The following NUDT19 variants were observed in gnomAD, a reference collection of about 807,000 sequenced individuals.
The protein encoded by NUDT19 is nudix hydrolase 19.
Under a neutral mutation model 22.2 loss-of-function variants are expected in NUDT19, and 31 were observed. That is an observed-to-expected ratio of 1.40 (90% confidence interval 1.05 to 1.89). NUDT19 has a LOEUF of 1.89. Ranked by LOEUF, NUDT19 falls within the 40% of genes most tolerant of loss-of-function variation. The probability of loss-of-function intolerance (pLI) is 0.00; values close to 1 mark genes in which losing one functional copy is unlikely to be tolerated. For synonymous variants in NUDT19, 325 were observed against 230.8 expected, an observed-to-expected ratio of 1.41 and a Z score of -3.70; for missense variants, 752 against 514.2, an observed-to-expected ratio of 1.46 and a Z score of -4.47.
Position 32,692,509 on chromosome 19 carries a change from C to A in NUDT19, c.549C>A (p.Ala183=). The part of the protein sequence containing the change: ...QDPRHFLRLC[A]HLDCTPDIWA... ...CGCGCCACTTCCTGCGGCTGTGCGC[C>A]CACCTCGACTGCACACCCGACATCT... The change falls in exon 1 of 3, where the codon GCC becomes GCA. Residue 183 remains alanine (A), a synonymous_variant. Coordinates refer to ENST00000397061, the MANE Select transcript of NUDT19 (RefSeq NM_001105570.2). 2 of 1,562,612 alleles carry A rather than the reference C, an allele frequency of 1.3e-6. No individual in the cohort carries two copies. The highest frequency in any genetic ancestry group is 1.7e-6 in the Non-Finnish European group (2 of 1,158,222).
In NUDT19 at chr19:32,692,119, A is replaced by G. The variant is rs746307225; in HGVS notation, c.159A>G (p.Gln53=). 7.6e-6 allele frequency: 11 copies of G among 1,451,332 alleles called. No individual in the cohort carries two copies. Among genetic ancestry groups the G allele is most frequent in the Non-Finnish European group, 9.0e-6 (10 of 1,111,072 alleles). The allele number at this position is 1,451,332 out of a possible 1,614,324, so 89.9% of individuals were successfully genotyped here. A position where few individuals can be genotyped will look rare whatever the true frequency, so the allele number is the denominator to read the frequency against. Residue 53 remains glutamine (Q), a synonymous_variant, in exon 1 of 3, where the codon CAA becomes CAG. Transcript: ENST00000397061. ...RLLLLQRSPH[Q]GFMPGAHVFS... ...TGCTGCTGCAGCGCTCCCCGCACCA[A>G]GGCTTCATGCCGGGCGCGCACGTCT...
chr19:32,705,366 G>C (rs1235171331), intron 1 of NUDT19, among the ~76,000 whole-genome samples: 1 of 151,428 alleles, frequency 6.6e-6, no homozygotes, highest in Non-Finnish European at 1.5e-5. Flanking sequence ...AGAGGTTGCA[G>C]TGAGATGAGA....
intron 2 of NUDT19, among the ~76,000 whole-genome samples, chr19:32,710,581 C>G (rs141537954): frequency 0.011 from 1,659 of 150,216 alleles, 37 homozygotes; most frequent in African/African-American, 0.038. Flanking sequence ...GACAGAGCGA[C>G]ACTCTCTGTC....
chr19:32,711,237 G>A (rs1968443734), intron 2 of NUDT19, among the ~76,000 whole-genome samples: 1 of 152,134 alleles, frequency 6.6e-6, no homozygotes, highest in Non-Finnish European at 1.5e-5. Flanking sequence ...GCCGAGGTGG[G>A]TGAATCATTT....
chr19:32,710,316 CTTTG>C (rs1333206078), intron 2 of NUDT19, among the ~76,000 whole-genome samples: 6 of 142,544 alleles, frequency 4.2e-5, no homozygotes, highest in African/African-American at 1.3e-4. Context: ...GCCCAGCCAA[CTTTG>C]TTTTTTTTTT....
chr19:32,694,193 T>A (rs1050891798), intron 1 of NUDT19, among the ~76,000 whole-genome samples: 2 of 152,204 alleles, frequency 1.3e-5, no homozygotes, highest in African/African-American at 4.8e-5. Context: ...GGAGAAGCCA[T>A]GTTGCCCAAC....
At chr19:32,699,921 CT>C (rs1186659097) in intron 1 of NUDT19, among the ~76,000 whole-genome samples, 3 of 152,062 alleles carry the variant, frequency 2.0e-5, no homozygotes, top group African/African-American at 7.2e-5. Flanking sequence ...AGCCACAGAC[CT>C]TTGCAGTGAG....
Position 32,692,071 on chromosome 19 carries a change from G to A in NUDT19, c.111G>A (p.Pro37=), listed in dbSNP as rs765164763. 6.9e-6 allele frequency: 9 copies of A among 1,298,554 alleles called. No individual in the cohort carries two copies. The highest frequency in any genetic ancestry group is 4.0e-5 in the Admixed American group (1 of 25,170). 80.4% of individuals were successfully genotyped at this position (1,298,554 alleles called of 1,614,324 possible). The part of the protein sequence containing the change: ...PETATPPSRP[P]PAEGFRLLLL... ...CCGCCACCCCGCCGTCGCGCCCGCC[G>A]CCGGCCGAGGGCTTCCGGCTGCTGC... Residue 37 remains proline (P), a synonymous_variant, in exon 1 of 3, where the codon CCG becomes CCA. Transcript: ENST00000397061.
intron 1 of NUDT19, among the ~76,000 whole-genome samples, chr19:32,703,116 C>G (rs1968352379): frequency 6.6e-6 from 1 of 152,158 alleles, no homozygotes; most frequent in South Asian, 2.1e-4. Flanking sequence ...ATTCTCCTGC[C>G]TCAGCTTCCC....
rs71336953 is a variant in NUDT19, at chr19:32,713,404, G to GCCT, written c.*1449_*1450insTCC. 1.9e-5 allele frequency: 2 copies of GCCT among 103,252 alleles called. No homozygotes were observed. Among genetic ancestry groups the GCCT allele is most frequent in the African/African-American group, 7.7e-5 (2 of 25,920 alleles). 6.4% of individuals were successfully genotyped at this position (103,252 alleles called of 1,614,324 possible). On this transcript the variant is annotated 3_prime_UTR_variant, in exon 3 of 3. Coordinates refer to ENST00000397061, the MANE Select transcript of NUDT19 (RefSeq NM_001105570.2). The stretch of plus-strand genomic sequence containing the variant: ...TCGAACTTCTGACCTGAGGTGATCT[G>GCCT]CCCACCTTGGCCTCACAAAGTGCTG...
At position 32,692,147 on chromosome 19, in the gene NUDT19, T is replaced by G. The variant is rs1258538634; in HGVS notation, c.187T>G (p.Ser63Ala). Reference protein sequence around the residue: ...QGFMPGAHVFSGGVLDAADRS... With the variant: ...QGFMPGAHVFAGGVLDAADRS... ...CTTCATGCCGGGCGCGCACGTCTTC[T>G]CCGGCGGAGTGCTGGATGCGGCCGA... The change falls in exon 1 of 3, where the codon TCC (serine) becomes GCC (alanine). Residue 63 changes from serine to alanine, a missense_variant. Coordinates refer to ENST00000397061, the MANE Select transcript of NUDT19 (RefSeq NM_001105570.2). 5.3e-6 allele frequency: 8 copies of G among 1,501,844 alleles called. No homozygotes were observed. The highest frequency in any genetic ancestry group is 6.2e-6 in the Non-Finnish European group (7 of 1,134,970). 93.0% of individuals were successfully genotyped at this position (1,501,844 alleles called of 1,614,324 possible).
chr19:32,692,877 T>G (rs937825686), intron 1 of NUDT19, among the ~76,000 whole-genome samples: 3 of 152,160 alleles, frequency 2.0e-5, no homozygotes, highest in African/African-American at 7.2e-5. Context: ...TTTCCTAGGC[T>G]TTGGGGTCTC....
chr19:32,692,483 C>G lies in NUDT19; in HGVS notation c.523C>G (p.Pro175Ala). 1 of 1,553,672 alleles carries G rather than the reference C, an allele frequency of 6.4e-7. No homozygotes were observed. The highest frequency in any genetic ancestry group is 8.7e-7 in the Non-Finnish European group (1 of 1,152,824). ...CTGGCGCGACCGCGTGCGCCAGGAC[C>G]CGCGCCACTTCCTGCGGCTGTGCGC... ...ASWRDRVRQD[P>A]RHFLRLCAHL... Residue 175 changes from proline (P) to alanine (A), a missense_variant, in exon 1 of 3, where the codon CCG becomes GCG. Physicochemically the swap from Pro to Ala is conservative, Grantham distance 27. Coordinates refer to ENST00000397061, the MANE Select transcript of NUDT19 (RefSeq NM_001105570.2).
At chr19:32,704,936 G>C (rs1055176741) in intron 1 of NUDT19, among the ~76,000 whole-genome samples, 2 of 150,626 alleles carry the variant, frequency 1.3e-5, no homozygotes, top group African/African-American at 4.9e-5. Context: ...GTGAAACCCC[G>C]TCTCAAGTAA....
chr19:32,704,025 CCTT>C (rs1968362435), intron 1 of NUDT19, among the ~76,000 whole-genome samples: 1 of 152,088 alleles, frequency 6.6e-6, no homozygotes, highest in African/African-American at 2.4e-5. Context: ...TCTCTGGTAT[CCTT>C]CTGCCTAAAG....
Position 32,709,243 on chromosome 19 carries a change from C to T in NUDT19, c.773C>T (p.Pro258Leu), listed in dbSNP as rs770304335. ...TTATCAAAAGAAATTTGGTTGCCAC[C>T]CCCACAGTTCTACGAAGTGAGAAGA... is the stretch of plus-strand genomic sequence containing the variant. ...SFLSKEIWLP[P>L]PQFYEVRRLA... The change falls in exon 2 of 3, where the codon CCC becomes CTC. Residue 258 changes from proline to leucine, a missense_variant. By Grantham distance (98) the Pro-to-Leu change is moderately conservative (BLOSUM62 -3). Transcript: ENST00000397061. 9.3e-6 allele frequency: 15 copies of T among 1,613,922 alleles called. 1 individual carries two copies. In the East Asian group the frequency reaches 3.1e-4, roughly 34 times the overall value.
In NUDT19 at chr19:32,712,375, C is replaced by A. The variant is rs1568436037; in HGVS notation, c.*418C>A. The A allele has an allele frequency of 1.1e-5, 1 of 92,982 alleles. No homozygotes were observed. The highest frequency in any genetic ancestry group is 2.0e-5 in the Non-Finnish European group (1 of 48,994). The allele number at this position is 92,982 out of a possible 1,614,324, so 5.8% of individuals were successfully genotyped here. A position where few individuals can be genotyped will look rare whatever the true frequency, so the allele number is the denominator to read the frequency against. The stretch of plus-strand genomic sequence containing the variant: ...TACAGGTGTGGGCCACCACACCCAG[C>A]CTTTTTTTTTTTTTTTTTTTTTTTT... On this transcript the variant is annotated 3_prime_UTR_variant, in exon 3 of 3. Coordinates refer to ENST00000397061, the MANE Select transcript of NUDT19 (RefSeq NM_001105570.2).
At chr19:32,711,710 AT>A in intron 2 of NUDT19, 41 bp from the exon 3 acceptor site, 1 of 1,190,834 alleles carries the variant, frequency 8.4e-7, no homozygotes, top group Non-Finnish European at 1.2e-6. Context: ...GTGAAAAATA[AT>A]TTTGTATTTA....
intron 1 of NUDT19, among the ~76,000 whole-genome samples, chr19:32,702,024 G>A (rs1968341044): frequency 6.6e-6 from 1 of 152,132 alleles, no homozygotes; most frequent in South Asian, 2.1e-4. Flanking sequence ...GCGGGGGTCT[G>A]TCCTGCAGAC....
Sources: gnomAD v4.1 joint callset for allele counts (sites outside exome capture counted in the v4.1 genomes callset) on GRCh38, gnomAD v4.1.1 for gene constraint, MANE v1.5 for transcripts, NCBI Gene and HGNC (gene_info 2026-07-23, HGNC 2026-07-21) for gene names.